TMTC2: variants seen among roughly 807,000 people sequenced by gnomAD.
TMTC2 encodes the protein protein O-mannosyl-transferase TMTC2.
A neutral mutation model predicts 82.4 loss-of-function variants in TMTC2; 43 were observed. The observed-to-expected ratio is 0.52, with a 90% CI of 0.41 to 0.67. TMTC2 has a LOEUF of 0.67. Among genes scored for constraint, TMTC2 ranks in the 30% least tolerant of loss-of-function variants. The pLI is 0.00. For missense variants in TMTC2, 919 were observed against 1,012.4 expected (o/e 0.91, Z 1.25); for synonymous variants, 408 against 381.9 (o/e 1.07, Z -0.80).
intron 9 of TMTC2, among the ~76,000 whole-genome samples, chr12:83,041,794 TCCGTAAGTACACG>T (rs1310734755): frequency 6.6e-6 from 1 of 152,190 alleles, no homozygotes; most frequent in Non-Finnish European, 1.5e-5. Flanking sequence ...TTCCATTATT[TCCGTAAGTACACG>T]CTCACTTAAC....
intron 7 of TMTC2, 29 bp downstream of exon 7, chr12:82,967,026 G>A (rs1331583421): frequency 6.5e-7 from 1 of 1,544,454 alleles, no homozygotes; most frequent in Non-Finnish European, 8.9e-7. Flanking sequence ...CTTTTAAATT[G>A]ATATTTCAGG....
At chr12:82,812,758 A>G (rs1411549187) in intron 1 of TMTC2, among the ~76,000 whole-genome samples, 3 of 151,646 alleles carry the variant, frequency 2.0e-5, no homozygotes, top group Admixed American at 6.6e-5. Flanking sequence ...TATTTTTTTT[A>G]TGAAAATCTT....
intron 11 of TMTC2, among the ~76,000 whole-genome samples, chr12:83,121,243 A>T (rs570476401): frequency 6.6e-6 from 1 of 152,194 alleles, no homozygotes; most frequent in African/African-American, 2.4e-5. Context: ...TTGTCATATT[A>T]CCAGAATTGG....
chr12:83,097,093 G>C (rs1884054643), intron 11 of TMTC2, among the ~76,000 whole-genome samples: 2 of 152,148 alleles, frequency 1.3e-5, no homozygotes, highest in Non-Finnish European at 2.9e-5. Context: ...ATAAATACTT[G>C]TTGAGTGATT....
intron 1 of TMTC2, among the ~76,000 whole-genome samples, chr12:82,707,474 C>T (rs941585781): frequency 6.6e-6 from 1 of 152,170 alleles, no homozygotes; most frequent in African/African-American, 2.4e-5. Context: ...CTTGTCTGAA[C>T]CAAAGAGCTC....
intron 1 of TMTC2, among the ~76,000 whole-genome samples, chr12:82,776,171 C>T (rs11115418): frequency 0.13 from 20,340 of 152,082 alleles, 1,530 homozygotes; most frequent in Middle Eastern, 0.2. Flanking sequence ...GGCTTATTCA[C>T]GTTAGCATTT....
intron 8 of TMTC2, among the ~76,000 whole-genome samples, chr12:83,029,933 A>T (rs1287976084): frequency 6.6e-6 from 1 of 152,240 alleles, no homozygotes; most frequent in Non-Finnish European, 1.5e-5. Flanking sequence ...TACAACAAAG[A>T]AAGTGACCTA....
At chr12:82,868,717 A>G (rs1292830548) in intron 2 of TMTC2, among the ~76,000 whole-genome samples, 1 of 149,424 alleles carries the variant, frequency 6.7e-6, no homozygotes, top group Admixed American at 6.6e-5. Context: ...TTTTTTTTGA[A>G]AAAAAAAGGG....
chr12:83,101,573 A>G (rs1234982330), intron 11 of TMTC2, among the ~76,000 whole-genome samples: 1 of 152,248 alleles, frequency 6.6e-6, no homozygotes. Flanking sequence ...AATGTTTATC[A>G]AAATGAAAAC....
In TMTC2 at chr12:82,857,199, T is replaced by C. The variant is rs1871301842; in HGVS notation, c.273T>C (p.Asn91=). The C allele has an allele frequency of 6.2e-7, 1 of 1,614,188 alleles. No individual in the cohort carries two copies. The change falls in exon 2 of 12, where the codon AAT becomes AAC. Residue 91 remains asparagine, a synonymous_variant. Coordinates refer to ENST00000321196, the MANE Select transcript of TMTC2 (RefSeq NM_152588.3). The part of the protein sequence containing the change: ...GLNPWSYHLV[N]VLLHAAVTGL... ...ATCCCTGGAGCTACCATCTTGTCAA[T>C]GTCCTGTTGCATGCAGCAGTCACTG...
chr12:82,908,907 T>G (rs1874470135), intron 3 of TMTC2, among the ~76,000 whole-genome samples: 1 of 152,216 alleles, frequency 6.6e-6, no homozygotes, highest in African/African-American at 2.4e-5. Flanking sequence ...GTTCAATTGG[T>G]ACAATGTTAC....
chr12:82,944,492 G>A (rs1425730972), intron 4 of TMTC2, among the ~76,000 whole-genome samples: 1 of 151,450 alleles, frequency 6.6e-6, no homozygotes, highest in South Asian at 2.1e-4. Context: ...CAGGAGAAAG[G>A]CGTGAACCCG....
At chr12:83,006,185 G>A (rs1821443) in intron 8 of TMTC2, among the ~76,000 whole-genome samples, 119,080 of 151,986 alleles carry the variant, frequency 0.78, 47,692 homozygotes, top group South Asian at 0.93. Flanking sequence ...AGTCCTTCCT[G>A]TAGGTCGGCC....
intron 1 of TMTC2, among the ~76,000 whole-genome samples, chr12:82,825,832 T>C (rs2137069725): frequency 6.6e-6 from 1 of 151,634 alleles, no homozygotes; most frequent in Non-Finnish European, 1.5e-5. Flanking sequence ...CTTCTCAGTG[T>C]GTTCACTCTG....
intron 1 of TMTC2, among the ~76,000 whole-genome samples, chr12:82,692,850 T>C (rs866446464): frequency 6.6e-6 from 1 of 152,238 alleles, no homozygotes; most frequent in Non-Finnish European, 1.5e-5. Flanking sequence ...TCAGCAGGAC[T>C]GCATACCTTC....
chr12:83,032,246 T>G (rs1881457464), intron 9 of TMTC2, among the ~76,000 whole-genome samples: 1 of 140,142 alleles, frequency 7.1e-6, no homozygotes. Flanking sequence ...TATAATATTA[T>G]AGAGAATATT....
At chr12:82,894,670 T>C (rs1016547323) in intron 2 of TMTC2, among the ~76,000 whole-genome samples, 1 of 152,170 alleles carries the variant, frequency 6.6e-6, no homozygotes, top group African/African-American at 2.4e-5. Context: ...TTTTTAGATG[T>C]CACCTAAGTT....
chr12:82,866,893 C>A (rs1215169293), intron 2 of TMTC2, among the ~76,000 whole-genome samples: 1 of 152,092 alleles, frequency 6.6e-6, no homozygotes, highest in African/African-American at 2.4e-5. Flanking sequence ...TGACTTATGT[C>A]AAATGCATTG....
chr12:83,111,790 G>A (rs865835934), intron 11 of TMTC2, among the ~76,000 whole-genome samples: 24 of 152,116 alleles, frequency 1.6e-4, no homozygotes, highest in Admixed American at 3.3e-4. Context: ...ATTTAAAAAG[G>A]AAAAATTAAG....
Sources: gnomAD v4.1 joint callset for allele counts (sites outside exome capture counted in the v4.1 genomes callset) on GRCh38, gnomAD v4.1.1 for gene constraint, MANE v1.5 for transcripts, NCBI Gene and HGNC (gene_info 2026-07-23, HGNC 2026-07-21) for gene names.